The following PIK3IP1 variants were observed in gnomAD, a reference collection of about 807,000 sequenced individuals.
PIK3IP1 encodes phosphoinositide-3-kinase interacting protein 1.
A neutral mutation model predicts 30.7 loss-of-function variants in PIK3IP1; 28 were observed. That is an observed-to-expected ratio of 0.91 (90% CI 0.68 to 1.25). The LOEUF (loss-of-function observed/expected upper bound fraction) is 1.25. Ranked by LOEUF, PIK3IP1 falls within the 50% of genes most tolerant of loss-of-function variation. The pLI is 0.00. For missense variants in PIK3IP1, 333 were observed against 346.2 expected, an observed-to-expected ratio of 0.96 and a Z score of 0.30; for synonymous variants, 159 against 140.8, an observed-to-expected ratio of 1.13 and a Z score of -0.91.
chr22:31,291,528 C>T (rs1481620783), intron 1 of PIK3IP1, among the ~76,000 whole-genome samples: 2 of 151,202 alleles, frequency 1.3e-5, no homozygotes, highest in Middle Eastern at 3.5e-3. Context: ...CTGTGCCTGT[C>T]CCCCAGTCAA....
chr22:31,282,701 C>T lies in PIK3IP1; in HGVS notation c.*383G>A, dbSNP rs2049098810. On this transcript the variant is annotated 3_prime_UTR_variant, in exon 6 of 6. Coordinates refer to ENST00000215912, the MANE Select transcript of PIK3IP1 (RefSeq NM_052880.5). ...ACCATGAATAACAGTGTATGCCACT[C>T]AAGCCCACAGTGGAGACTGAGGCCA... 1 of 214,910 alleles carries T rather than the reference C, an allele frequency of 4.7e-6. No individual in the cohort carries two copies. Among genetic ancestry groups the T allele is most frequent in the Non-Finnish European group, 9.5e-6 (1 of 105,444 alleles). The allele number at this position is 214,910 out of a possible 1,614,324, so 13.3% of individuals were successfully genotyped here.
chr22:31,291,171 G>A lies in PIK3IP1; in HGVS notation c.187+9C>T, dbSNP rs1191958399. ...CCAGCCCCGGGGCCGTCCCCCGGAG[G>A]ACACTTACCCGACACGGGGGCCGAG... On this transcript the variant is annotated intron_variant, in intron 2 of 5. Coordinates refer to ENST00000215912, the MANE Select transcript of PIK3IP1 (RefSeq NM_052880.5). The A allele has an allele frequency of 1.3e-6, 2 of 1,543,178 alleles. No homozygotes were observed. The highest frequency in any genetic ancestry group is 2.5e-5 in the East Asian group (1 of 40,240).
chr22:31,284,014 C>T (rs1006371573), intron 5 of PIK3IP1, among the ~76,000 whole-genome samples: 5 of 152,156 alleles, frequency 3.3e-5, no homozygotes, highest in African/African-American at 7.2e-5. Context: ...AAGCGATTCT[C>T]CTGCCTCAGC....
intron 5 of PIK3IP1, among the ~76,000 whole-genome samples, chr22:31,287,360 T>C (rs1268001283): frequency 1.6e-5 from 2 of 127,096 alleles, no homozygotes; most frequent in East Asian, 4.9e-4. Flanking sequence ...AGACGGAGTA[T>C]GGCTCTGTCG....
At position 31,291,310 on chromosome 22, in the gene PIK3IP1, A is replaced by C. The variant is rs2049176753; in HGVS notation, c.71-14T>G. The C allele has an allele frequency of 1.3e-6, 2 of 1,554,934 alleles. No homozygotes were observed. The highest frequency in any genetic ancestry group is 1.7e-6 in the Non-Finnish European group (2 of 1,149,552). On this transcript the variant is annotated splice_polypyrimidine_tract_variant and intron_variant, in intron 1 of 5. Coordinates refer to ENST00000215912, the MANE Select transcript of PIK3IP1 (RefSeq NM_052880.5). ...CCCAGAAACAGCCTGTGAGGAAAAG[A>C]AGCCCCCGGACACAGAATAGCGGGC...
At chr22:31,288,779 A>G (rs1000623513) in intron 5 of PIK3IP1, among the ~76,000 whole-genome samples, 2 of 152,236 alleles carry the variant, frequency 1.3e-5, no homozygotes, top group African/African-American at 4.8e-5. Context: ...TCTGTTCTCC[A>G]ACTCACTTTT....
chr22:31,286,795 A>G (rs1335816610), intron 5 of PIK3IP1, among the ~76,000 whole-genome samples: 5 of 152,186 alleles, frequency 3.3e-5, no homozygotes, highest in African/African-American at 4.8e-5. Flanking sequence ...AACTCAGCCA[A>G]TGTGGCTTAG....
chr22:31,292,323 C>G lies in PIK3IP1; in HGVS notation c.22G>C (p.Ala8Pro). 3 of 1,614,166 alleles carry G rather than the reference C, an allele frequency of 1.9e-6. No individual in the cohort carries two copies. The highest frequency in any genetic ancestry group is 2.5e-6 in the Non-Finnish European group (3 of 1,180,014). Residue 8 changes from alanine (A) to proline (P), a missense_variant, in exon 1 of 6, where the codon GCA becomes CCA. Physicochemically the swap from Ala to Pro is conservative, Grantham distance 27 (BLOSUM62 -1). Coordinates refer to ENST00000215912, the MANE Select transcript of PIK3IP1 (RefSeq NM_052880.5). Reference sequence around the variant, plus strand: ...AGGAGCATGTTGCTGACGAGGAATGCTTGTACCCAGGCCAACAGCATCCTT... The same window carrying G: ...AGGAGCATGTTGCTGACGAGGAATGGTTGTACCCAGGCCAACAGCATCCTT... Reference protein sequence around the residue: MLLAWVQAFLVSNMLLAE... With the variant: MLLAWVQPFLVSNMLLAE...
Position 31,291,033 on chromosome 22 carries a change from G to T in PIK3IP1, c.239C>A (p.Pro80His). ...GGCCTCGCCACTGACGTAGCACCAG[G>T]GCCCGCGCGGGTCCTCGTCCGGGTT... ...CRNPDEDPRG[P>H]WCYVSGEAGV... Residue 80 changes from proline to histidine, a missense_variant, in exon 3 of 6, where the codon CCC becomes CAC. This residue lies in a region of PIK3IP1 where 5 missense variants were observed against 18.5 expected (regional missense o/e 0.27). Transcript: ENST00000215912. 1 of 1,580,222 alleles carries T rather than the reference G, an allele frequency of 6.3e-7. No homozygotes were observed. The highest frequency in any genetic ancestry group is 8.6e-7 in the Non-Finnish European group (1 of 1,162,072).
intron 5 of PIK3IP1, among the ~76,000 whole-genome samples, chr22:31,286,076 G>T (rs1355099625): frequency 6.6e-6 from 1 of 152,038 alleles, no homozygotes; most frequent in Non-Finnish European, 1.5e-5. Flanking sequence ...GGGAGGCTGA[G>T]GCAGGAGAAT....
At chr22:31,288,895 CAG>C (rs1243525601) in intron 5 of PIK3IP1, 2 of 302,138 alleles carry the variant, frequency 6.6e-6, no homozygotes, top group African/African-American at 2.2e-5. Flanking sequence ...TTATAACTCA[CAG>C]AAAGAATTTG....
In PIK3IP1 at chr22:31,283,159, G is replaced by A. The variant is rs763604795; in HGVS notation, c.717C>T (p.His239=). ...GAGGGTCAACTGGAGTCTGGCTGGT[G>A]TGGACCACGACAGTCTTCTCATCCA... ...EIVDEKTVVV[H]TSQTPVDPQE... Residue 239 remains histidine, a synonymous_variant, in exon 6 of 6, where the codon CAC becomes CAT. Coordinates refer to ENST00000215912, the MANE Select transcript of PIK3IP1 (RefSeq NM_052880.5). 1.2e-6 allele frequency: 2 copies of A among 1,614,054 alleles called. No homozygotes were observed. The highest frequency in any genetic ancestry group is 1.3e-5 in the African/African-American group (1 of 74,944).
intron 5 of PIK3IP1, chr22:31,289,099 G>C: frequency 1.7e-6 from 1 of 601,948 alleles, no homozygotes; most frequent in Non-Finnish European, 3.0e-6. Context: ...GTAAAATGCG[G>C]AACAAGAACA....
At chr22:31,288,539 A>T (rs1198777950) in intron 5 of PIK3IP1, among the ~76,000 whole-genome samples, 2 of 152,208 alleles carry the variant, frequency 1.3e-5, no homozygotes, top group Admixed American at 1.3e-4. Context: ...TAGAAGTCAA[A>T]TCCCCCGATT....
At chr22:31,290,819 C>A (rs1302869652) in intron 3 of PIK3IP1, 146 bp downstream of exon 3, 18 of 1,219,606 alleles carry the variant, frequency 1.5e-5, no homozygotes, top group Admixed American at 3.7e-5. Flanking sequence ...TTGAGCCCCG[C>A]GGCCTGGAGA....
intron 5 of PIK3IP1, among the ~76,000 whole-genome samples, chr22:31,287,329 AT>A (rs776460911): frequency 4.5e-3 from 383 of 85,656 alleles, no homozygotes; most frequent in Middle Eastern, 0.011. Flanking sequence ...CATTACCTAC[AT>A]TTTTTTTTTT....
At chr22:31,285,323 G>A (rs2049122878) in intron 5 of PIK3IP1, among the ~76,000 whole-genome samples, 1 of 152,114 alleles carries the variant, frequency 6.6e-6, no homozygotes, top group Non-Finnish European at 1.5e-5. Flanking sequence ...CCTCTCCCAG[G>A]CTATAGAACA....
intron 5 of PIK3IP1, among the ~76,000 whole-genome samples, chr22:31,287,490 C>T (rs1303040006): frequency 6.6e-6 from 1 of 151,830 alleles, no homozygotes; most frequent in Non-Finnish European, 1.5e-5. Flanking sequence ...GCCACCACGC[C>T]TGGCTAATTT....
intron 3 of PIK3IP1, chr22:31,290,328 G>A (rs1160492686): frequency 6.6e-6 from 1 of 152,312 alleles, no homozygotes. Context: ...GGCGGAAGTT[G>A]CAGTGAGCCG....
Sources: gnomAD v4.1 joint callset for allele counts (sites outside exome capture counted in the v4.1 genomes callset) on GRCh38, gnomAD v4.1.1 for gene constraint, gnomAD v4.1.1 regional missense constraint, MANE v1.5 for transcripts, NCBI Gene and HGNC (gene_info 2026-07-23, HGNC 2026-07-21) for gene names.